Variants in GALNT16 observed in about 807,000 individuals in gnomAD.
GALNT16 encodes UDP-GalNAc:polypeptide N-acetylgalactosaminyltransferase-like protein 1.
A neutral mutation model predicts 76.1 loss-of-function variants in GALNT16; 40 were observed. That is an observed-to-expected ratio of 0.53 (90% confidence interval 0.41 to 0.68). GALNT16 has a LOEUF of 0.68. Ranked by LOEUF, GALNT16 falls within the 30% of genes least tolerant of loss-of-function variation. GALNT16 has a pLI of 0.00. For synonymous variants in GALNT16, 276 were observed against 285.2 expected, an observed-to-expected ratio of 0.97 and a Z score of 0.32; for missense variants, 621 against 731.9, an observed-to-expected ratio of 0.85 and a Z score of 1.75.
In GALNT16 at chr14:69,322,928, GT is replaced by G. The variant is rs1229285144; in HGVS notation, c.336-1763del. 1.2e-3 allele frequency among the ~76,000 whole-genome samples: 25 copies of G among 21,626 alleles called. No individual in the cohort carries two copies. The East Asian group carries it at 0.16, about 137-fold the overall frequency. 14.2% of individuals were successfully genotyped at this position (21,626 alleles called of 152,430 possible). A position where few individuals can be genotyped will look rare whatever the true frequency, so the allele number is the denominator to read the frequency against. ...AGAAAGCTGAGGTGGCTCACGGGGT[GT>G]GTGTGTGTGTGTGTGTGTGTGTGTG... is the stretch of plus-strand genomic sequence containing the variant. On this transcript the variant is annotated intron_variant, in intron 2 of 14. Coordinates refer to ENST00000448469, the MANE Select transcript of GALNT16 (RefSeq NM_001168368.2).
chr14:69,353,902 CTG>C lies in GALNT16; in HGVS notation c.*1737_*1738del, dbSNP rs1392631868. 6.6e-6 allele frequency: 1 copy of C among 152,352 alleles called. No homozygotes were observed. The highest frequency in any genetic ancestry group is 1.5e-5 in the Non-Finnish European group (1 of 68,120). 9.4% of individuals were successfully genotyped at this position (152,352 alleles called of 1,614,324 possible). ...GCCCTTGGGGTCAGCAGCCAAGTGT[CTG>C]TGGTCCGCAGCACCTGCTCTGGAGG... is the stretch of plus-strand genomic sequence containing the variant. On this transcript the variant is annotated 3_prime_UTR_variant, in exon 15 of 15. Transcript: ENST00000448469.
Position 69,352,105 on chromosome 14 carries a change from G to T in GALNT16, c.1614G>T (p.Leu538=). The T allele has an allele frequency of 6.2e-7, 1 of 1,614,002 alleles. No individual in the cohort carries two copies. The highest frequency in any genetic ancestry group is 8.5e-7 in the Non-Finnish European group (1 of 1,179,864). The change falls in exon 15 of 15, where the codon CTG becomes CTT. Residue 538 remains leucine, a synonymous_variant. Coordinates refer to ENST00000448469, the MANE Select transcript of GALNT16 (RefSeq NM_001168368.2). The stretch of plus-strand genomic sequence containing the variant: ...GCCTGGAGACAAAGCCTGCCCAGCT[G>T]GTGACCAGCAAGTGTCAGGCTGACG... The part of the protein sequence containing the change: ...GLCLETKPAQ[L]VTSKCQADAQ...
chr14:69,302,029 A>G (rs1409811076), intron 1 of GALNT16, among the ~76,000 whole-genome samples: 2 of 152,090 alleles, frequency 1.3e-5, no homozygotes, highest in Non-Finnish European at 2.9e-5. Context: ...ATTCTTAACA[A>G]GAAGTTGAGG....
chr14:69,263,304 G>T (rs890637172), intron 1 of GALNT16, among the ~76,000 whole-genome samples: 1 of 152,202 alleles, frequency 6.6e-6, no homozygotes, highest in Non-Finnish European at 1.5e-5. Context: ...TCTAAGTAAG[G>T]AGGTGGGGGA....
downstream of GALNT16, among the ~76,000 whole-genome samples, chr14:69,360,698 A>T (rs544904059): frequency 2.7e-4 from 41 of 152,332 alleles, no homozygotes; most frequent in Non-Finnish European, 5.1e-4. Flanking sequence ...AGAAAAGAAA[A>T]GAAATGAAGA....
chr14:69,313,425 C>G (rs2045055898), intron 1 of GALNT16, among the ~76,000 whole-genome samples: 2 of 152,226 alleles, frequency 1.3e-5, no homozygotes, highest in Non-Finnish European at 2.9e-5. Flanking sequence ...CGGGTCTGAG[C>G]AGAGACTGCC....
the GALNT16 span, among the ~76,000 whole-genome samples, chr14:69,364,947 C>T: frequency 6.6e-6 from 1 of 152,130 alleles, no homozygotes; most frequent in African/African-American, 2.4e-5. This position sits in a 1 kb window ranked among gnomAD's most constrained non-coding sequence, Gnocchi z 4.2. Context: ...TTATGATATC[C>T]ATTTATAATG....
intron 5 of GALNT16, among the ~76,000 whole-genome samples, chr14:69,326,976 A>C (rs1165617379): frequency 6.6e-6 from 1 of 152,200 alleles, no homozygotes; most frequent in Admixed American, 6.5e-5. Context: ...AGATGGAGTG[A>C]ATTGAGATGA....
In GALNT16 at chr14:69,265,842, T is replaced by G. The variant is rs189768562; in HGVS notation, c.177+5375T>G. Among the ~76,000 whole-genome samples the G allele has an allele frequency of 1.4e-4, 22 of 152,318 alleles. No homozygotes were observed. In the East Asian group the frequency reaches 4.2e-3, roughly 29 times the overall value. On this transcript the variant is annotated intron_variant, in intron 1 of 14. Transcript: ENST00000448469. ...AAACGGTGTCAAGTGGTTTAGTCCC[T>G]CTTCTCTGAAATCTTGTGGTCTTTG...
chr14:69,300,507 C>G (rs1049346267), intron 1 of GALNT16, among the ~76,000 whole-genome samples: 1 of 152,184 alleles, frequency 6.6e-6, no homozygotes, highest in African/African-American at 2.4e-5. Flanking sequence ...ACCACGCTTG[C>G]TTTTGCCTAT....
chr14:69,284,132 C>T (rs920188782), intron 1 of GALNT16, among the ~76,000 whole-genome samples: 2 of 152,178 alleles, frequency 1.3e-5, no homozygotes, highest in African/African-American at 4.8e-5. Context: ...CTCAACTTCT[C>T]AGGGCTGGAC....
At chr14:69,327,612 G>A (rs1170240144) in intron 5 of GALNT16, among the ~76,000 whole-genome samples, 1 of 152,222 alleles carries the variant, frequency 6.6e-6, no homozygotes, top group Non-Finnish European at 1.5e-5. Flanking sequence ...CGGGCTGGTA[G>A]GCAGCTAGAG....
At chr14:69,304,512 T>C (rs1032908480) in intron 1 of GALNT16, among the ~76,000 whole-genome samples, 1 of 152,184 alleles carries the variant, frequency 6.6e-6, no homozygotes. Context: ...GTAAAATCCA[T>C]TATGATTGAC....
In GALNT16 at chr14:69,338,505, G is replaced by A. The variant is rs2045442233; in HGVS notation, c.968-146G>A. 7 of 1,044,842 alleles carry A rather than the reference G, an allele frequency of 6.7e-6. No individual in the cohort carries two copies. The South Asian group carries it at 1.1e-4, about 16-fold the overall frequency. The allele number at this position is 1,044,842 out of a possible 1,614,324, so 64.7% of individuals were successfully genotyped here. ...GCAGTCAGGAACCTGTGCAAGGAGT[G>A]GGAGCACTCCATTTGAGCAGGCCCA... On this transcript the variant is annotated intron_variant, in intron 9 of 14. Coordinates refer to ENST00000448469, the MANE Select transcript of GALNT16 (RefSeq NM_001168368.2).
At chr14:69,278,283 A>G (rs1347572169) in intron 1 of GALNT16, among the ~76,000 whole-genome samples, 1 of 152,184 alleles carries the variant, frequency 6.6e-6, no homozygotes, top group African/African-American at 2.4e-5. Context: ...TCCTAGGATT[A>G]CAGGCGTGAG....
chr14:69,322,464 C>T (rs777930381), intron 2 of GALNT16, among the ~76,000 whole-genome samples: 11 of 152,228 alleles, frequency 7.2e-5, no homozygotes, highest in African/African-American at 9.6e-5. Flanking sequence ...GACTCTGAAC[C>T]GCCTCAGGTG....
chr14:69,315,293 C>T (rs2045084298), intron 1 of GALNT16, among the ~76,000 whole-genome samples: 1 of 152,184 alleles, frequency 6.6e-6, no homozygotes, highest in South Asian at 2.1e-4. Flanking sequence ...CAACTTAAAC[C>T]ATTTCAGATG....
In GALNT16 at chr14:69,260,304, G is replaced by C. The variant is rs769473034; in HGVS notation, c.14G>C (p.Arg5Pro). MRKI[R>P]ANAIAILTVA... The stretch of plus-strand genomic sequence containing the variant: ...CGTCTGCCCACCATGAGGAAGATCC[G>C]CGCCAATGCCATCGCCATCCTGACC... Residue 5 changes from arginine to proline, a missense_variant, in exon 1 of 15, where the codon CGC becomes CCC. By Grantham distance (103) the Arg-to-Pro change is moderately radical (BLOSUM62 -2). Transcript: ENST00000448469. 1.9e-6 allele frequency: 3 copies of C among 1,612,772 alleles called. No individual in the cohort carries two copies. In the South Asian group the frequency reaches 3.3e-5, roughly 18 times the overall value.
At chr14:69,316,775 G>GGGC (rs2045106756) in intron 1 of GALNT16, among the ~76,000 whole-genome samples, 5 of 86,702 alleles carry the variant, frequency 5.8e-5, no homozygotes, top group Middle Eastern at 4.9e-3. Context: ...TGTAGTCTGT[G>GGGC]AGGGGGGGGG....
Sources: allele counts gnomAD v4.1 joint callset (sites outside exome capture counted in the v4.1 genomes callset), GRCh38; gene constraint gnomAD v4.1.1; non-coding constraint Gnocchi (gnomAD v3.1); transcripts MANE v1.5; gene names NCBI Gene and HGNC (gene_info 2026-07-23, HGNC 2026-07-21).